Variants in DLX2 observed in about 807,000 individuals in gnomAD.
DLX2 encodes the protein homeobox protein DLX-2.
A neutral mutation model predicts 27.4 loss-of-function variants in DLX2; 8 were observed. That is an observed-to-expected ratio of 0.29 (90% CI 0.17 to 0.53). The LOEUF is 0.53. DLX2 is among the 20% of genes least tolerant of loss of function. DLX2 has a pLI of 0.96. For missense variants in DLX2, 421 were observed against 450.9 expected (o/e 0.93, Z 0.60); for synonymous variants, 210 against 200.8 (o/e 1.05, Z -0.39).
chr2:172,100,514 T>G lies in DLX2; in HGVS notation c.*29A>C. ...AGCAATGAGGATAAGTGGTCTCTGC[T>G]CTCAGTCTCTGGCGAGTTCTCCCTG... On this transcript the variant is annotated 3_prime_UTR_variant, in exon 3 of 3. Transcript: ENST00000234198. This position sits in a 1 kb window ranked among gnomAD's most constrained non-coding sequence, Gnocchi z 4.5. The G allele has an allele frequency of 6.5e-7, 1 of 1,530,118 alleles. No individual in the cohort carries two copies. Among genetic ancestry groups the G allele is most frequent in the Non-Finnish European group, 8.7e-7 (1 of 1,146,196 alleles). 94.8% of individuals were successfully genotyped at this position (1,530,118 alleles called of 1,614,324 possible).
chr2:172,101,034 A>G (rs1691145293), intron 2 of DLX2, 90 bp from the exon 3 acceptor site: 1 of 1,432,652 alleles, frequency 7.0e-7, no homozygotes, highest in Non-Finnish European at 9.6e-7. Context: ...GCAGAGAAAA[A>G]CCGCTGGCTA....
In DLX2 at chr2:172,100,660, G is replaced by A. The variant is rs764579383; in HGVS notation, c.870C>T (p.Ala290=). The change falls in exon 3 of 3, where the codon GCC becomes GCT. Residue 290 remains alanine, a synonymous_variant. Coordinates refer to ENST00000234198, the MANE Select transcript of DLX2 (RefSeq NM_004405.4). The surrounding 1 kb of genome is among the most constrained non-coding windows in gnomAD (Gnocchi z 4.5). ...GCGGCGCCGTGGCCTGCAGGTGTGA[G>A]GCGGATCCCGAGGTCTGGTGGTACC... The part of the protein sequence containing the change: ...YPWYHQTSGS[A]SHLQATAPLL... The A allele has an allele frequency of 6.4e-7, 1 of 1,564,510 alleles. No individual in the cohort carries two copies. Among genetic ancestry groups the A allele is most frequent in the Admixed American group, 2.0e-5 (1 of 49,904 alleles).
At position 172,102,224 on chromosome 2, in the gene DLX2, C is replaced by G. The variant is rs142362355; in HGVS notation, c.315G>C (p.Lys105Asn). 6.7e-4 allele frequency: 1,075 copies of G among 1,614,180 alleles called. 3 individuals are homozygous for G. The highest frequency in any genetic ancestry group is 5.5e-4 in the Non-Finnish European group (649 of 1,180,012). The stretch of plus-strand genomic sequence containing the variant: ...CGGTGTAGCCCAGGTCATAGCTGCT[C>G]TTGGCGGAGTAAGGGACGTTGTTGA... ...SGLNNVPYSA[K>N]SSYDLGYTAA... is the part of the protein sequence containing the mutation. Residue 105 changes from lysine (K) to asparagine (N), a missense_variant, in exon 1 of 3, where the codon AAG becomes AAC. Coordinates refer to ENST00000234198, the MANE Select transcript of DLX2 (RefSeq NM_004405.4).
rs1295423142 is a variant in DLX2 at position 172,102,745 on chromosome 2, C to T, written c.-207G>A. On this transcript the variant is annotated 5_prime_UTR_variant, in exon 1 of 3. Coordinates refer to ENST00000234198, the MANE Select transcript of DLX2 (RefSeq NM_004405.4). ...TCGGGACAGCTGCCTCTGGTCGCATCCTCTTTCGGCCTCTGGGCCCGCTCG... is the reference window on the plus strand; with the variant it reads ...TCGGGACAGCTGCCTCTGGTCGCATTCTCTTTCGGCCTCTGGGCCCGCTCG... 1.9e-6 allele frequency: 1 copy of T among 525,110 alleles called. No individual in the cohort carries two copies. The highest frequency in any genetic ancestry group is 2.0e-5 in the African/African-American group (1 of 49,406). 32.5% of individuals were successfully genotyped at this position (525,110 alleles called of 1,614,324 possible). A position where few individuals can be genotyped will look rare whatever the true frequency, so the allele number is the denominator to read the frequency against.
chr2:172,101,109 C>T, intron 2 of DLX2, 165 bp from the exon 3 acceptor site: 1 of 729,656 alleles, frequency 1.4e-6, no homozygotes, highest in South Asian at 1.9e-5. Flanking sequence ...GAGGCTCTGC[C>T]GGTTCCTGCT....
chr2:172,101,635 GGTCC>G lies in DLX2; in HGVS notation c.408_411del (p.Glu136AspfsTer8), dbSNP rs755235510. 3 of 1,614,054 alleles carry G rather than the reference GGTCC, an allele frequency of 1.9e-6. No homozygotes were observed. Among genetic ancestry groups the G allele is most frequent in the African/African-American group, 1.3e-5 (1 of 74,944 alleles). On this transcript the variant is annotated frameshift_variant, in exon 2 of 3. Coordinates refer to ENST00000234198, the MANE Select transcript of DLX2 (RefSeq NM_004405.4). LOFTEE classifies it high-confidence loss of function. ...TTCACTATCCGAATTTCAGGCTCAA[GGTCC>G]TCCTTCTCTGCAACGATAAAGAATC... is the stretch of plus-strand genomic sequence containing the variant.
chr2:172,100,820 G>T lies in DLX2; in HGVS notation c.710C>A (p.Ala237Glu). ...SPPCASPPVSAPASWDFGVPQ... is the reference protein window; with the variant it reads ...SPPCASPPVSEPASWDFGVPQ... ...CACACCAAAGTCCCAGGAGGCCGGC[G>T]CTGAGACTGGCGGCGAAGCACAAGG... The change falls in exon 3 of 3, where the codon GCG (alanine) becomes GAG (glutamate). Residue 237 changes from alanine to glutamate, a missense_variant. Transcript: ENST00000234198. This position sits in a 1 kb window ranked among gnomAD's most constrained non-coding sequence, Gnocchi z 4.5. 1 of 1,610,284 alleles carries T rather than the reference G, an allele frequency of 6.2e-7. No homozygotes were observed. Among genetic ancestry groups the T allele is most frequent in the Non-Finnish European group, 8.5e-7 (1 of 1,178,718 alleles).
Position 172,102,265 on chromosome 2 carries a change from A to G in DLX2, c.274T>C (p.Tyr92His). Residue 92 changes from tyrosine to histidine, a missense_variant, in exon 1 of 3, where the codon TAC (tyrosine) becomes CAC (histidine). This residue lies in a region of DLX2 where 141 missense variants were observed against 123.5 expected (regional missense o/e 1.14). Transcript: ENST00000234198. ...SPYAHMGSYQ[Y>H]QASGLNNVPY... ...ACGTTGTTGAGGCCGCTGGCTTGGTACTGGTAGGAACCCATGTGCGCGTAG... is the reference window on the plus strand; with the variant it reads ...ACGTTGTTGAGGCCGCTGGCTTGGTGCTGGTAGGAACCCATGTGCGCGTAG... The G allele has an allele frequency of 6.2e-7, 1 of 1,614,032 alleles. No individual in the cohort carries two copies. Among genetic ancestry groups the G allele is most frequent in the East Asian group, 2.2e-5 (1 of 44,870 alleles).
In DLX2 at chr2:172,100,985, T is replaced by C. The variant is rs780378230; in HGVS notation, c.586-41A>G. ...CCTGAGCATTAGTGGAGGAACCTAGTCTTGGGGCAGTAGGGGTTCGAAGAG... is the reference window on the plus strand; with the variant it reads ...CCTGAGCATTAGTGGAGGAACCTAGCCTTGGGGCAGTAGGGGTTCGAAGAG... On this transcript the variant is annotated intron_variant, in intron 2 of 2. Transcript: ENST00000234198. The surrounding 1 kb of genome is among the most constrained non-coding windows in gnomAD (Gnocchi z 4.5). 6.3e-7 allele frequency: 1 copy of C among 1,589,946 alleles called. No homozygotes were observed. Among genetic ancestry groups the C allele is most frequent in the South Asian group, 1.1e-5 (1 of 88,414 alleles).
In DLX2 at chr2:172,102,400, G is replaced by GGCT. The variant is rs201510837; in HGVS notation, c.136_138dup (p.Ser46dup). 0.018 allele frequency: 28,258 copies of GGCT among 1,552,342 alleles called. 407 individuals are homozygous for GGCT. The highest frequency in any genetic ancestry group is 0.088 in the Admixed American group (4,470 of 50,632). ...GTGGGCGACTCCTGGGGCTTGTGGAGGCTGCTGCTGCTGCTGCTGTTGCCA... is the reference window on the plus strand; with the variant it reads ...GTGGGCGACTCCTGGGGCTTGTGGAGGCTGCTGCTGCTGCTGCTGCTGTTGCCA... On this transcript the variant is annotated inframe_insertion, in exon 1 of 3. Coordinates refer to ENST00000234198, the MANE Select transcript of DLX2 (RefSeq NM_004405.4).
Position 172,100,863 on chromosome 2 carries a change from C to T in DLX2, c.667G>A (p.Gly223Arg). ...SGEIPSEQHP[G>R]ASASPPCASP... ...GCACAAGGTGGAGAAGCGCTGGCCC[C>T]AGGGTGCTGCTCCGAGGGGATCTCA... is the stretch of plus-strand genomic sequence containing the variant. The change falls in exon 3 of 3, where the codon GGG becomes AGG. Residue 223 changes from glycine to arginine, a missense_variant. Transcript: ENST00000234198. The surrounding 1 kb of genome is among the most constrained non-coding windows in gnomAD (Gnocchi z 4.5). 1 of 1,612,880 alleles carries T rather than the reference C, an allele frequency of 6.2e-7. No homozygotes were observed.
Position 172,102,439 on chromosome 2 carries a change from C to T in DLX2, c.100G>A (p.Gly34Ser), listed in dbSNP as rs996627276. 1.3e-6 allele frequency: 2 copies of T among 1,549,140 alleles called. No homozygotes were observed. Among genetic ancestry groups the T allele is most frequent in the East Asian group, 2.4e-5 (1 of 40,892 alleles). ...CTGCTGTTGCCACCCGGGCCGGCGC[C>T]GCCGCCGCTCGGGGGCTGCTGGTGC... Reference protein sequence around the residue: ...HQHQQPPSGGGAGPGGNSSSS... With the variant: ...HQHQQPPSGGSAGPGGNSSSS... Residue 34 changes from glycine (G) to serine (S), a missense_variant, in exon 1 of 3, where the codon GGC becomes AGC. Around this residue, in one of 5 missense-constraint regions of DLX2, gnomAD observed 53 missense variants for 59.5 expected, o/e 0.89. Coordinates refer to ENST00000234198, the MANE Select transcript of DLX2 (RefSeq NM_004405.4).
intron 2 of DLX2, 166 bp from the exon 3 acceptor site, chr2:172,101,110 G>A (rs1480153215): frequency 2.2e-5 from 16 of 728,584 alleles, no homozygotes; most frequent in Admixed American, 1.8e-4. Flanking sequence ...AGGCTCTGCC[G>A]GTTCCTGCTC....
At chr2:172,101,676 G>T (rs1047948800) in intron 1 of DLX2, 30 bp from the exon 2 acceptor site, 3 of 1,607,082 alleles carry the variant, frequency 1.9e-6, no homozygotes, top group Non-Finnish European at 2.5e-6. Flanking sequence ...TAAGAACAGC[G>T]CAACCCAGGG....
Position 172,102,229 on chromosome 2 carries a change from C to T in DLX2, c.310G>A (p.Ala104Thr). 6.2e-7 allele frequency: 1 copy of T among 1,614,116 alleles called. No homozygotes were observed. The highest frequency in any genetic ancestry group is 1.3e-5 in the African/African-American group (1 of 75,026). The change falls in exon 1 of 3, where the codon GCC (alanine) becomes ACC (threonine). Residue 104 changes from alanine (A) to threonine (T), a missense_variant. Coordinates refer to ENST00000234198, the MANE Select transcript of DLX2 (RefSeq NM_004405.4). ...TAGCCCAGGTCATAGCTGCTCTTGGCGGAGTAAGGGACGTTGTTGAGGCCG... is the reference window on the plus strand; with the variant it reads ...TAGCCCAGGTCATAGCTGCTCTTGGTGGAGTAAGGGACGTTGTTGAGGCCG... ...ASGLNNVPYSAKSSYDLGYTA... is the reference protein window; with the variant it reads ...ASGLNNVPYSTKSSYDLGYTA...
rs190743601 is a variant in DLX2 at position 172,100,291 on chromosome 2, C to G, written c.*252G>C. ...AGTCCGAGGCGGGGCTCGAAACAGC[C>G]GAGACCCGGGGCTCAGGTCAGAAAT... On this transcript the variant is annotated 3_prime_UTR_variant, in exon 3 of 3. Transcript: ENST00000234198. The surrounding 1 kb of genome is among the most constrained non-coding windows in gnomAD (Gnocchi z 4.5). The G allele has an allele frequency of 7.3e-6, 3 of 410,606 alleles. No individual in the cohort carries two copies. The highest frequency in any genetic ancestry group is 1.3e-5 in the Non-Finnish European group (3 of 234,622). 25.4% of individuals were successfully genotyped at this position (410,606 alleles called of 1,614,324 possible).
chr2:172,101,000 G>C lies in DLX2; in HGVS notation c.586-56C>G. On this transcript the variant is annotated intron_variant, in intron 2 of 2. Transcript: ENST00000234198. The surrounding 1 kb of genome is among the most constrained non-coding windows in gnomAD (Gnocchi z 4.5). ...AGGAACCTAGTCTTGGGGCAGTAGGGGTTCGAAGAGGAGAAAAAAGAAGGC... is the reference window on the plus strand; with the variant it reads ...AGGAACCTAGTCTTGGGGCAGTAGGCGTTCGAAGAGGAGAAAAAAGAAGGC... 1 of 1,550,382 alleles carries C rather than the reference G, an allele frequency of 6.5e-7. No individual in the cohort carries two copies. The highest frequency in any genetic ancestry group is 8.7e-7 in the Non-Finnish European group (1 of 1,143,212).
In DLX2 at chr2:172,101,459, C is replaced by T. The variant is rs756051786; in HGVS notation, c.585+3G>A. 2 of 1,597,462 alleles carry T rather than the reference C, an allele frequency of 1.3e-6. No individual in the cohort carries two copies. The highest frequency in any genetic ancestry group is 4.5e-5 in the East Asian group (2 of 44,146). On this transcript the variant is annotated splice_donor_region_variant and intron_variant, in intron 2 of 2. Transcript: ENST00000234198. Reference sequence around the variant, plus strand: ...CCTCGCCCCTGCAGGGCGCGAGCCCCACCTGAGTCTGGGTGAGGCCCAGAG... The same window carrying T: ...CCTCGCCCCTGCAGGGCGCGAGCCCTACCTGAGTCTGGGTGAGGCCCAGAG...
intron 2 of DLX2, 42 bp downstream of exon 2, chr2:172,101,420 C>T: frequency 1.3e-6 from 2 of 1,554,594 alleles, no homozygotes; most frequent in Non-Finnish European, 1.7e-6. Context: ...CCAGCCATCT[C>T]AGGCCCGCGC....
Sources: allele counts gnomAD v4.1 joint callset, GRCh38; gene constraint gnomAD v4.1.1; regional missense constraint gnomAD v4.1.1; non-coding constraint Gnocchi (gnomAD v3.1); transcripts MANE v1.5; gene names NCBI Gene and HGNC (gene_info 2026-07-23, HGNC 2026-07-21).